Variants in DGKB observed in about 807,000 individuals in gnomAD.
DGKB encodes diacylglycerol kinase beta.
DGKB carries 67 observed loss-of-function variants against 114.3 expected under a neutral mutation model. That is an observed-to-expected ratio of 0.59 (90% CI 0.48 to 0.72). DGKB has a LOEUF of 0.72. Ranked by LOEUF, DGKB falls within the 30% of genes least tolerant of loss-of-function variation. The pLI is 0.00. For synonymous variants in DGKB, 398 were observed against 323.1 expected (o/e 1.23, Z -2.49); for missense variants, 907 against 975.2 (o/e 0.93, Z 0.93).
chr7:14,958,426 A>ACACAC (rs1786641254), intron 1 of DGKB, among the ~76,000 whole-genome samples: 2 of 122,816 alleles, frequency 1.6e-5, no homozygotes, highest in African/African-American at 3.2e-5. Flanking sequence ...TACCTCTCCC[A>ACACAC]ACACACACAC....
intron 1 of DGKB, among the ~76,000 whole-genome samples, chr7:14,920,863 C>T (rs1240480027): frequency 1.5e-5 from 2 of 133,916 alleles, no homozygotes; most frequent in Non-Finnish European, 3.0e-5. Context: ...AATAAACTTA[C>T]ATGTATTTTT....
intron 20 of DGKB, among the ~76,000 whole-genome samples, chr7:14,530,567 A>G (rs56172838): frequency 0.17 from 26,448 of 151,392 alleles, 3,714 homozygotes; most frequent in East Asian, 0.54. Flanking sequence ...TAAACATGAA[A>G]CAATGTTTTA....
At chr7:14,610,685 C>A (rs1420398627) in intron 16 of DGKB, among the ~76,000 whole-genome samples, 5 of 151,952 alleles carry the variant, frequency 3.3e-5, no homozygotes, top group Non-Finnish European at 7.4e-5. Flanking sequence ...ACCCTCTTTT[C>A]CCTGGCACCT....
intron 21 of DGKB, among the ~76,000 whole-genome samples, chr7:14,432,538 C>T (rs1828617550): frequency 6.6e-6 from 1 of 152,160 alleles, no homozygotes; most frequent in South Asian, 2.1e-4. Flanking sequence ...ATTTAGTTCT[C>T]CCCTCTCTAA....
At chr7:14,566,583 C>G (rs542831553) in intron 20 of DGKB, among the ~76,000 whole-genome samples, 1 of 152,230 alleles carries the variant, frequency 6.6e-6, no homozygotes, top group South Asian at 2.1e-4. Context: ...ACCTCATTCC[C>G]TAATGATAAT....
intron 23 of DGKB, among the ~76,000 whole-genome samples, chr7:14,225,082 C>A (rs375063850): frequency 1.8e-4 from 27 of 152,034 alleles, no homozygotes; most frequent in African/African-American, 5.8e-4. Flanking sequence ...CAATCTCCCC[C>A]CAATTGCCTT....
At chr7:14,258,479 A>AG (rs1285202688) in intron 23 of DGKB, among the ~76,000 whole-genome samples, 3 of 152,204 alleles carry the variant, frequency 2.0e-5, no homozygotes, top group Admixed American at 2.0e-4. Context: ...AGCTGAAATT[A>AG]GGGGGAAATG....
At chr7:14,246,301 T>A (rs17168017) in intron 23 of DGKB, among the ~76,000 whole-genome samples, 1 of 152,184 alleles carries the variant, frequency 6.6e-6, no homozygotes, top group South Asian at 2.1e-4. Context: ...CAGGACTTTA[T>A]GTTATCTGTT....
intron 9 of DGKB, among the ~76,000 whole-genome samples, chr7:14,693,041 T>C (rs946326066): frequency 1.3e-5 from 2 of 152,156 alleles, no homozygotes; most frequent in Non-Finnish European, 2.9e-5. Context: ...TCTTGAGAAA[T>C]GACTTTTAAA....
chr7:14,969,342 T>C (rs1315969904), intron 1 of DGKB, among the ~76,000 whole-genome samples: 1 of 152,096 alleles, frequency 6.6e-6, no homozygotes, highest in Admixed American at 6.6e-5. Context: ...CAATGAACAA[T>C]GGGGATACTT....
chr7:14,511,238 T>C (rs1303444011), intron 20 of DGKB, among the ~76,000 whole-genome samples: 1 of 152,230 alleles, frequency 6.6e-6, no homozygotes, highest in South Asian at 2.1e-4. Context: ...TTTGTCTACA[T>C]TGAAAATCTG....
At chr7:14,389,862 T>A (rs1197856708) in intron 21 of DGKB, among the ~76,000 whole-genome samples, 1 of 152,222 alleles carries the variant, frequency 6.6e-6, no homozygotes, top group African/African-American at 2.4e-5. Flanking sequence ...CTGAGAGGAA[T>A]AATAAGTTCG....
chr7:14,890,885 A>T (rs1188446604), intron 1 of DGKB, among the ~76,000 whole-genome samples: 3 of 148,718 alleles, frequency 2.0e-5, no homozygotes, highest in South Asian at 2.2e-4. Context: ...AAAAAAAAAA[A>T]TCCCTAAATC....
At chr7:14,902,846 A>C (rs1441883211), upstream of DGKB, 1 of 152,098 alleles carries the variant, frequency 6.6e-6, no homozygotes, top group Non-Finnish European at 1.5e-5. Flanking sequence ...GAAAGATGGA[A>C]ATCTACTTCC....
chr7:14,690,712 A>G (rs1222019553), intron 9 of DGKB, among the ~76,000 whole-genome samples: 1 of 152,244 alleles, frequency 6.6e-6, no homozygotes, highest in Non-Finnish European at 1.5e-5. Context: ...AAATTACTTA[A>G]TATCTCTCCC....
chr7:14,496,425 T>G (rs1785316261), intron 20 of DGKB, among the ~76,000 whole-genome samples: 1 of 151,746 alleles, frequency 6.6e-6, no homozygotes, highest in African/African-American at 2.4e-5. Context: ...TTGGGTTCTT[T>G]TATTCATATC....
intron 20 of DGKB, among the ~76,000 whole-genome samples, chr7:14,486,314 T>A (rs1278883550): frequency 2.6e-5 from 4 of 152,310 alleles, no homozygotes; most frequent in African/African-American, 9.6e-5. Flanking sequence ...CCTATTGTAA[T>A]TGGAGGAAAG....
chr7:14,601,980 C>G (rs953300078), intron 17 of DGKB, among the ~76,000 whole-genome samples: 1 of 151,924 alleles, frequency 6.6e-6, no homozygotes, highest in African/African-American at 2.4e-5. Flanking sequence ...TCCTCCTCCT[C>G]TTTCTCCTCC....
chr7:14,516,195 A>G (rs1242658992), intron 20 of DGKB, among the ~76,000 whole-genome samples: 1 of 152,222 alleles, frequency 6.6e-6, no homozygotes, highest in Admixed American at 6.5e-5. Context: ...AAACTAAACA[A>G]TGTATTACTC....
Sources: gnomAD v4.1 joint callset for allele counts (sites outside exome capture counted in the v4.1 genomes callset) on GRCh38, gnomAD v4.1.1 for gene constraint, MANE v1.5 for transcripts, NCBI Gene and HGNC (gene_info 2026-07-23, HGNC 2026-07-21) for gene names.